The following PTPRD variants were observed in gnomAD, a reference collection of about 807,000 sequenced individuals.
The protein encoded by PTPRD is receptor-type tyrosine-protein phosphatase delta.
A neutral mutation model predicts 214.5 loss-of-function variants in PTPRD; 34 were observed. The ratio of observed to expected loss-of-function variants is 0.16; its 90% CI spans 0.12 to 0.21. The LOEUF is 0.21. Ranked by LOEUF, PTPRD falls within the 10% of genes least tolerant of loss-of-function variation. The pLI, the probability that PTPRD is intolerant of heterozygous loss-of-function variation, is 1.00. For missense variants in PTPRD, 2,545 were observed against 2,398.7 expected (o/e 1.06, Z -1.27); for synonymous variants, 1,128 against 845.7 (o/e 1.33, Z -5.79).
At chr9:9,226,121 A>G (rs2099959312) in intron 9 of PTPRD, among the ~76,000 whole-genome samples, 1 of 151,982 alleles carries the variant, frequency 6.6e-6, no homozygotes, top group South Asian at 2.1e-4. Context: ...ATTTGCACTT[A>G]AAAGGCTGCT....
At chr9:10,302,445 C>A (rs58014507) in intron 3 of PTPRD, among the ~76,000 whole-genome samples, 5,901 of 151,990 alleles carry the variant, frequency 0.039, 397 homozygotes, top group African/African-American at 0.13. Context: ...ATGGGCTATG[C>A]CCCAATTTAA....
intron 3 of PTPRD, among the ~76,000 whole-genome samples, chr9:10,052,574 G>A (rs1231011310): frequency 6.6e-6 from 1 of 152,058 alleles, no homozygotes; most frequent in African/African-American, 2.4e-5. Context: ...CACATTCTCT[G>A]ATTTAATTCT....
At chr9:10,518,580 T>G (rs1039483996) in intron 2 of PTPRD, among the ~76,000 whole-genome samples, 1 of 152,118 alleles carries the variant, frequency 6.6e-6, no homozygotes, top group East Asian at 1.9e-4. Context: ...TCACCCAGGC[T>G]GGAGTGCAGC....
At chr9:10,037,777 T>C (rs2097214908) in intron 3 of PTPRD, among the ~76,000 whole-genome samples, 2 of 152,138 alleles carry the variant, frequency 1.3e-5, no homozygotes, top group Non-Finnish European at 2.9e-5. Context: ...AACTTTAATA[T>C]CTAGAAAATA....
intron 9 of PTPRD, among the ~76,000 whole-genome samples, chr9:9,233,698 A>C (rs1256123941): frequency 6.6e-6 from 1 of 152,264 alleles, no homozygotes; most frequent in Admixed American, 6.5e-5. Context: ...AATAGACCAA[A>C]AAAAGGGGCT....
At chr9:9,645,886 T>C (rs1005286006) in intron 7 of PTPRD, among the ~76,000 whole-genome samples, 3 of 152,190 alleles carry the variant, frequency 2.0e-5, no homozygotes, top group Admixed American at 6.5e-5. Flanking sequence ...CATTTCAAAA[T>C]TGTTTTAAAT....
chr9:8,538,123 C>T (rs761532076), intron 14 of PTPRD, among the ~76,000 whole-genome samples: 3 of 151,898 alleles, frequency 2.0e-5, no homozygotes, highest in Non-Finnish European at 4.4e-5. Flanking sequence ...ATCCAATATC[C>T]ATCCACTTTC....
At chr9:10,554,122 C>T (rs1385296622) in intron 2 of PTPRD, among the ~76,000 whole-genome samples, 2 of 152,154 alleles carry the variant, frequency 1.3e-5, no homozygotes, top group African/African-American at 4.8e-5. Context: ...GGATTAAGAG[C>T]TTTTAATGAT....
At chr9:10,160,480 T>C (rs892121800) in intron 3 of PTPRD, among the ~76,000 whole-genome samples, 9 of 151,886 alleles carry the variant, frequency 5.9e-5, no homozygotes, top group African/African-American at 2.2e-4. Flanking sequence ...ACAAAAACCA[T>C]ATGGTTATTT....
At chr9:10,351,053 G>A (rs1039951071) in intron 2 of PTPRD, among the ~76,000 whole-genome samples, 4 of 152,028 alleles carry the variant, frequency 2.6e-5, no homozygotes, top group Admixed American at 2.0e-4. Flanking sequence ...ATACACAAAA[G>A]GAGGTTCACT....
chr9:9,894,677 C>G (rs993032838), intron 5 of PTPRD, among the ~76,000 whole-genome samples: 1 of 152,054 alleles, frequency 6.6e-6, no homozygotes, highest in African/African-American at 2.4e-5. Flanking sequence ...GTTACCATTT[C>G]ACATATATTT....
At chr9:8,338,866 G>GAGAGAGAGAGAGA in intron 43 of PTPRD, 56 bp downstream of exon 43, 8 of 712,468 alleles carry the variant, frequency 1.1e-5, no homozygotes, top group South Asian at 4.5e-5. Context: ...AGAGAGAGAG[G>GAGAGAGAGAGAGA]TATCTTAGAC....
At chr9:10,426,357 G>T (rs2098616642) in intron 2 of PTPRD, among the ~76,000 whole-genome samples, 1 of 151,188 alleles carries the variant, frequency 6.6e-6, no homozygotes, top group African/African-American at 2.4e-5. Flanking sequence ...TTTTCTATCG[G>T]TTACTTTGCT....
intron 7 of PTPRD, among the ~76,000 whole-genome samples, chr9:9,598,722 A>C (rs527334631): frequency 6.6e-6 from 1 of 152,116 alleles, no homozygotes; most frequent in African/African-American, 2.4e-5. Context: ...ATTATTGGTA[A>C]GCATAACTTT....
At chr9:9,080,372 A>G (rs2099757267) in intron 10 of PTPRD, among the ~76,000 whole-genome samples, 1 of 152,078 alleles carries the variant, frequency 6.6e-6, no homozygotes, top group Non-Finnish European at 1.5e-5. Flanking sequence ...AAAGGTGACA[A>G]AAAGCTGTAT....
intron 8 of PTPRD, among the ~76,000 whole-genome samples, chr9:9,405,017 G>C (rs1051480990): frequency 6.6e-6 from 1 of 151,958 alleles, no homozygotes; most frequent in Non-Finnish European, 1.5e-5. Context: ...CTGGATTCAG[G>C]ATAACATCCC....
intron 5 of PTPRD, among the ~76,000 whole-genome samples, chr9:9,869,322 C>G (rs772595342): frequency 6.6e-6 from 1 of 152,080 alleles, no homozygotes; most frequent in Admixed American, 6.6e-5. Context: ...CATTTTAAAA[C>G]CACTAATAAA....
intron 2 of PTPRD, among the ~76,000 whole-genome samples, chr9:10,463,748 T>C (rs1463724675): frequency 6.6e-6 from 1 of 151,476 alleles, no homozygotes; most frequent in Non-Finnish European, 1.5e-5. Context: ...TTCAGAGTCT[T>C]ACAAAAAAGA....
intron 11 of PTPRD, among the ~76,000 whole-genome samples, chr9:8,854,987 T>C (rs1473312735): frequency 6.6e-6 from 1 of 152,154 alleles, no homozygotes; most frequent in Non-Finnish European, 1.5e-5. Context: ...TTTTTCACAC[T>C]CTATATGGAA....
Sources: allele counts gnomAD v4.1 joint callset (sites outside exome capture counted in the v4.1 genomes callset), GRCh38; gene constraint gnomAD v4.1.1; transcripts MANE v1.5; gene names NCBI Gene and HGNC (gene_info 2026-07-23, HGNC 2026-07-21).